Variants in PPP2R3C observed in about 807,000 individuals in gnomAD.
The protein encoded by PPP2R3C is protein phosphatase 2 regulatory subunit B''gamma, also known as serine/threonine-protein phosphatase 2A regulatory subunit B'' subunit gamma.
A neutral mutation model predicts 63.7 loss-of-function variants in PPP2R3C; 47 were observed. The observed-to-expected ratio is 0.74, with a 90% confidence interval of 0.58 to 0.94. The LOEUF is 0.94. Ranked by LOEUF, PPP2R3C falls within the 40% of genes least tolerant of loss-of-function variation. The probability of loss-of-function intolerance (pLI) is 0.00; values close to 1 mark genes in which losing one functional copy is unlikely to be tolerated. For synonymous variants in PPP2R3C, 180 were observed against 177.4 expected (o/e 1.01, Z -0.12); for missense variants, 421 against 518.4 (o/e 0.81, Z 1.82).
chr14:35,093,075 T>A (rs1163324984), intron 10 of PPP2R3C, among the ~76,000 whole-genome samples: 4 of 151,874 alleles, frequency 2.6e-5, no homozygotes, highest in Non-Finnish European at 5.9e-5. Context: ...TAGCCGGGCA[T>A]GGTGGCGGGC....
chr14:35,104,368 C>T (rs1205459890), intron 6 of PPP2R3C, among the ~76,000 whole-genome samples: 1 of 152,190 alleles, frequency 6.6e-6, no homozygotes, highest in Admixed American at 6.6e-5. Flanking sequence ...CAGAATGCAA[C>T]AAATTATAGC....
chr14:35,105,049 TAA>T (rs199852881), intron 6 of PPP2R3C, among the ~76,000 whole-genome samples: 2 of 134,348 alleles, frequency 1.5e-5, no homozygotes, highest in Non-Finnish European at 1.6e-5. Context: ...TATATTTTCT[TAA>T]AAAAAAAAAA....
intron 6 of PPP2R3C, chr14:35,099,657 G>T (rs748110825): frequency 4.2e-5 from 12 of 282,790 alleles, no homozygotes; most frequent in Non-Finnish European, 7.0e-5. Flanking sequence ...CAAAGGTTAA[G>T]TAACTTGTAT....
chr14:35,088,605 C>T (rs1448513639), intron 11 of PPP2R3C, among the ~76,000 whole-genome samples: 1 of 152,214 alleles, frequency 6.6e-6, no homozygotes, highest in Non-Finnish European at 1.5e-5. Context: ...GGTGAACAGT[C>T]AACTTTGTTC....
intron 7 of PPP2R3C, among the ~76,000 whole-genome samples, chr14:35,097,340 G>A (rs2046031171): frequency 6.6e-6 from 1 of 152,090 alleles, no homozygotes; most frequent in Admixed American, 6.6e-5. Context: ...TTTCAAAAAA[G>A]TTGTGATTAT....
At chr14:35,109,628 A>AT (rs1231409694) in intron 4 of PPP2R3C, among the ~76,000 whole-genome samples, 191 bp downstream of exon 4, 1 of 151,030 alleles carries the variant, frequency 6.6e-6, no homozygotes, top group African/African-American at 2.4e-5. Flanking sequence ...CACCCAGATA[A>AT]TTTTTTTAGT....
chr14:35,117,337 C>T (rs952487257), intron 1 of PPP2R3C, among the ~76,000 whole-genome samples: 3 of 152,202 alleles, frequency 2.0e-5, no homozygotes, highest in African/African-American at 7.2e-5. Flanking sequence ...ACACAGTGTT[C>T]TTCACAAGGT....
At chr14:35,090,241 T>G (rs2045758422) in intron 11 of PPP2R3C, among the ~76,000 whole-genome samples, 1 of 141,070 alleles carries the variant, frequency 7.1e-6, no homozygotes, top group African/African-American at 2.6e-5. Context: ...GTTGTAGTTT[T>G]TTTTTTTTTT....
At position 35,085,574 on chromosome 14, in the gene PPP2R3C, T is replaced by TCTA; in HGVS notation, c.*13_*15dup. On this transcript the variant is annotated 3_prime_UTR_variant, in exon 13 of 13. Coordinates refer to ENST00000261475, the MANE Select transcript of PPP2R3C (RefSeq NM_017917.4). The stretch of plus-strand genomic sequence containing the variant: ...TCAAGTATCTCATAATATAAGACAG[T>TCTA]CTAGTCTTTCAGAGATCATGTATCA... The TCTA allele has an allele frequency of 6.3e-7, 1 of 1,581,298 alleles. No homozygotes were observed. Among genetic ancestry groups the TCTA allele is most frequent in the Non-Finnish European group, 8.6e-7 (1 of 1,163,780 alleles).
At chr14:35,086,311 C>A (rs2045592842) in intron 12 of PPP2R3C, 2 of 153,030 alleles carry the variant, frequency 1.3e-5, no homozygotes, top group Admixed American at 1.3e-4. Flanking sequence ...GATTCTTCTG[C>A]CTCAGCCTCC....
intron 10 of PPP2R3C, among the ~76,000 whole-genome samples, chr14:35,092,895 A>C (rs976216502): frequency 1.3e-5 from 2 of 152,182 alleles, no homozygotes; most frequent in Non-Finnish European, 2.9e-5. Flanking sequence ...CATCCATAAA[A>C]AGGCAAAATG....
At chr14:35,088,224 A>G (rs888326305) in intron 11 of PPP2R3C, among the ~76,000 whole-genome samples, 1 of 152,164 alleles carries the variant, frequency 6.6e-6, no homozygotes, top group African/African-American at 2.4e-5. Context: ...TTTTAGACCT[A>G]TATCTTAACT....
chr14:35,107,197 A>G (rs2046390849), intron 6 of PPP2R3C, 107 bp downstream of exon 6: 1 of 806,932 alleles, frequency 1.2e-6, no homozygotes, highest in Non-Finnish European at 2.0e-6. Flanking sequence ...CAGAAATAAA[A>G]CAAAGTATTA....
intron 1 of PPP2R3C, among the ~76,000 whole-genome samples, chr14:35,117,987 C>G (rs1195148077): frequency 6.6e-6 from 1 of 152,116 alleles, no homozygotes; most frequent in Non-Finnish European, 1.5e-5. Context: ...AGCCACCATG[C>G]CTGGCCTATT....
intron 6 of PPP2R3C, chr14:35,102,680 GC>G (rs946624170): frequency 2.6e-5 from 4 of 152,084 alleles, no homozygotes; most frequent in African/African-American, 9.7e-5. Context: ...TTTCTCTACA[GC>G]CACCAATTAC....
intron 6 of PPP2R3C, among the ~76,000 whole-genome samples, chr14:35,104,822 C>G (rs2046297262): frequency 6.6e-6 from 1 of 152,100 alleles, no homozygotes. Context: ...GCAACTGCCT[C>G]TTGGGTTCAA....
At chr14:35,110,071 T>C in intron 3 of PPP2R3C, 140 bp from the exon 4 acceptor site, 1 of 596,382 alleles carries the variant, frequency 1.7e-6, no homozygotes, top group African/African-American at 1.9e-5. Flanking sequence ...CCTATTATCC[T>C]TTTGATTACT....
chr14:35,098,296 C>G (rs1329674496), intron 7 of PPP2R3C, among the ~76,000 whole-genome samples: 1 of 149,110 alleles, frequency 6.7e-6, no homozygotes, highest in Admixed American at 6.7e-5. Flanking sequence ...TCCACTTCAG[C>G]AGCTTCCCAA....
In PPP2R3C at chr14:35,091,069, C is replaced by A. The variant is rs375064336; in HGVS notation, c.1113+1G>T. 3.8e-6 allele frequency: 6 copies of A among 1,599,926 alleles called. No individual in the cohort carries two copies. Among genetic ancestry groups the A allele is most frequent in the Non-Finnish European group, 5.1e-6 (6 of 1,171,164 alleles). ...GACTCACTTATGCAAATGAGACTTA[C>A]CCTAAAGAAATAATTAAGTGAAAAG... On this transcript the variant is annotated splice_donor_variant, in intron 11 of 12. Transcript: ENST00000261475. LOFTEE classifies it high-confidence loss of function.
Sources: allele counts gnomAD v4.1 joint callset (sites outside exome capture counted in the v4.1 genomes callset), GRCh38; gene constraint gnomAD v4.1.1; transcripts MANE v1.5; gene names NCBI Gene and HGNC (gene_info 2026-07-23, HGNC 2026-07-21).